MINDY2: variants seen among roughly 807,000 people sequenced by gnomAD.
MINDY2 encodes ubiquitin carboxyl-terminal hydrolase MINDY-2.
Under a neutral mutation model 68.2 loss-of-function variants are expected in MINDY2, and 52 were observed. That is an observed-to-expected ratio of 0.76 (90% confidence interval 0.61 to 0.96). The LOEUF is 0.96. Ranked by LOEUF, MINDY2 falls within the 40% of genes least tolerant of loss-of-function variation. MINDY2 has a pLI of 0.00. For synonymous variants in MINDY2, 372 were observed against 303.0 expected, an observed-to-expected ratio of 1.23 and a Z score of -2.36; for missense variants, 881 against 773.4, an observed-to-expected ratio of 1.14 and a Z score of -1.65.
chr15:58,822,599 C>T (rs1188584150), intron 5 of MINDY2, among the ~76,000 whole-genome samples: 1 of 152,100 alleles, frequency 6.6e-6, no homozygotes, highest in African/African-American at 2.4e-5. Context: ...TCAGAGTATG[C>T]CTCTGAAAAT....
In MINDY2 at chr15:58,772,166, C is replaced by T. The variant is rs771897526; in HGVS notation, c.771C>T (p.Ile257=). Residue 257 remains isoleucine, a synonymous_variant, in exon 1 of 9, where the codon ATC becomes ATT. Coordinates refer to ENST00000559228, the MANE Select transcript of MINDY2 (RefSeq NM_001040450.3). ...AGTGGAAGGAAGAGAACACACCCAT[C>T]ATCACCCAGAATGAGAACGGACCCT... The part of the protein sequence containing the change: ...WIQWKEENTP[I]ITQNENGPCP... The T allele has an allele frequency of 2.5e-6, 4 of 1,614,082 alleles. No homozygotes were observed. The highest frequency in any genetic ancestry group is 1.3e-5 in the African/African-American group (1 of 75,062).
chr15:58,827,828 A>G (rs1286365181), intron 5 of MINDY2, among the ~76,000 whole-genome samples: 1 of 152,134 alleles, frequency 6.6e-6, no homozygotes, highest in Non-Finnish European at 1.5e-5. Flanking sequence ...GGCCAGTGGG[A>G]TGCCCTCAAG....
At chr15:58,840,868 C>T (rs1247971739) in intron 6 of MINDY2, among the ~76,000 whole-genome samples, 1 of 147,598 alleles carries the variant, frequency 6.8e-6, no homozygotes, top group East Asian at 2.0e-4. Flanking sequence ...TGGGTTTTCA[C>T]CGTGTTAGCC....
At chr15:58,852,957 T>G (rs2032904230) in intron 8 of MINDY2, among the ~76,000 whole-genome samples, 2 of 48,054 alleles carry the variant, frequency 4.2e-5, no homozygotes, top group African/African-American at 1.3e-4. Context: ...TTTTTTTTTT[T>G]TTTTTTTTTT....
chr15:58,780,406 A>G (rs1276959735), intron 1 of MINDY2, among the ~76,000 whole-genome samples: 2 of 152,152 alleles, frequency 1.3e-5, no homozygotes, highest in Non-Finnish European at 2.9e-5. Context: ...CCATCTCAAA[A>G]AAAAAAAAGA....
intron 7 of MINDY2, among the ~76,000 whole-genome samples, chr15:58,851,374 A>G (rs1004654911): frequency 2.0e-5 from 3 of 152,142 alleles, no homozygotes; most frequent in African/African-American, 7.2e-5. Context: ...GTTTAAAATA[A>G]AATGTTTTTT....
At chr15:58,782,911 GTT>G (rs1157376592) in intron 1 of MINDY2, among the ~76,000 whole-genome samples, 50 of 64,484 alleles carry the variant, frequency 7.8e-4, no homozygotes, top group African/African-American at 2.6e-3. Context: ...TTTTCTCTCT[GTT>G]TTTTTTTTTT....
At chr15:58,804,842 T>A (rs1902910553) in intron 3 of MINDY2, among the ~76,000 whole-genome samples, 1 of 151,892 alleles carries the variant, frequency 6.6e-6, no homozygotes, top group South Asian at 2.1e-4. Context: ...AGAAAACTGT[T>A]TGCAGCCAGT....
rs550238667 is a variant in MINDY2 at position 58,818,290 on chromosome 15, A to C, written c.1123-3427A>C. 5.3e-5 allele frequency among the ~76,000 whole-genome samples: 8 copies of C among 152,238 alleles called. No individual in the cohort carries two copies. The South Asian group carries it at 1.7e-3, about 32-fold the overall frequency. ...TGGGGGTGGGGGAAGACAAGATCTT[A>C]CTCTGACACCCAGGCTAGAGTGCAG... On this transcript the variant is annotated intron_variant, in intron 4 of 8. Coordinates refer to ENST00000559228, the MANE Select transcript of MINDY2 (RefSeq NM_001040450.3).
At chr15:58,807,788 T>C (rs2140968432) in intron 3 of MINDY2, among the ~76,000 whole-genome samples, 1 of 152,314 alleles carries the variant, frequency 6.6e-6, no homozygotes, top group East Asian at 1.9e-4. Flanking sequence ...TTAGACTTTA[T>C]CTCCTACAAC....
At chr15:58,817,409 C>G (rs2030757612) in intron 4 of MINDY2, among the ~76,000 whole-genome samples, 1 of 152,198 alleles carries the variant, frequency 6.6e-6, no homozygotes, top group African/African-American at 2.4e-5. Flanking sequence ...GTACATACAT[C>G]AGACTGGCTA....
intron 3 of MINDY2, among the ~76,000 whole-genome samples, chr15:58,806,609 T>C (rs1903028046): frequency 6.6e-6 from 1 of 152,120 alleles, no homozygotes; most frequent in South Asian, 2.1e-4. Context: ...GGAATAATTG[T>C]AGCAAATATA....
intron 2 of MINDY2, among the ~76,000 whole-genome samples, chr15:58,788,580 G>C (rs1404894883): frequency 6.6e-6 from 1 of 152,204 alleles, no homozygotes; most frequent in Non-Finnish European, 1.5e-5. Flanking sequence ...GCTACATTGA[G>C]TTGAACTTGT....
rs372934800 is a variant in MINDY2, at chr15:58,779,177, G to GAGTC, written c.840+6944_840+6947dup. On this transcript the variant is annotated intron_variant, in intron 1 of 8. Coordinates refer to ENST00000559228, the MANE Select transcript of MINDY2 (RefSeq NM_001040450.3). ...CCCAGAGTGCTGGGATTACAGGCGT[G>GAGTC]AGTCACCATGGCCAACCCTAATTTC... Among the ~76,000 whole-genome samples, 1,046 of 152,178 alleles carry GAGTC rather than the reference G, an allele frequency of 6.9e-3. 13 individuals carry two copies. Among genetic ancestry groups the GAGTC allele is most frequent in the African/African-American group, 0.024 (986 of 41,488 alleles).
intron 3 of MINDY2, among the ~76,000 whole-genome samples, chr15:58,803,685 A>G (rs1595729215): frequency 6.6e-6 from 1 of 151,948 alleles, no homozygotes; most frequent in South Asian, 2.1e-4. Context: ...GTGTAATAGC[A>G]TGTACCTGTA....
chr15:58,842,463 C>A (rs1339667480), intron 6 of MINDY2, among the ~76,000 whole-genome samples: 1 of 152,012 alleles, frequency 6.6e-6, no homozygotes, highest in Non-Finnish European at 1.5e-5. Flanking sequence ...ATTTTTTTCA[C>A]AGAATGCTAC....
intron 4 of MINDY2, among the ~76,000 whole-genome samples, chr15:58,817,145 A>G (rs1446006679): frequency 6.6e-6 from 1 of 152,264 alleles, no homozygotes; most frequent in Non-Finnish European, 1.5e-5. Context: ...ATTTGTGTTC[A>G]TCTAAAGGCA....
intron 2 of MINDY2, among the ~76,000 whole-genome samples, chr15:58,791,974 G>A (rs578198564): frequency 2.0e-5 from 3 of 152,208 alleles, no homozygotes; most frequent in African/African-American, 7.2e-5. Flanking sequence ...TGATTTCCTA[G>A]AATCGTAATG....
At chr15:58,784,767 G>A (rs547222275) in intron 1 of MINDY2, among the ~76,000 whole-genome samples, 4 of 151,632 alleles carry the variant, frequency 2.6e-5, no homozygotes, top group African/African-American at 7.3e-5. Flanking sequence ...CTACAGGCAC[G>A]TGCCACCACA....
Sources: gnomAD v4.1 joint callset for allele counts (sites outside exome capture counted in the v4.1 genomes callset) on GRCh38, gnomAD v4.1.1 for gene constraint, MANE v1.5 for transcripts, NCBI Gene and HGNC (gene_info 2026-07-23, HGNC 2026-07-21) for gene names.